Variants in SH2D4A observed in about 807,000 individuals in gnomAD.
SH2D4A encodes the protein SH2 domain-containing protein 4A.
SH2D4A carries 70 observed loss-of-function variants against 64.7 expected under a neutral mutation model. The ratio of observed to expected loss-of-function variants is 1.08; its 90% confidence interval spans 0.89 to 1.32. The LOEUF is 1.32. Ranked by LOEUF, SH2D4A falls within the 40% of genes most tolerant of loss-of-function variation. SH2D4A has a pLI of 0.00. For missense variants in SH2D4A, 706 were observed against 540.1 expected (o/e 1.31, Z -3.04); for synonymous variants, 268 against 200.7 (o/e 1.34, Z -2.83).
intron 7 of SH2D4A, among the ~76,000 whole-genome samples, chr8:19,371,305 T>C (rs1251824539): frequency 1.3e-5 from 2 of 152,172 alleles, no homozygotes; most frequent in East Asian, 1.9e-4. Context: ...AAAATCTTTC[T>C]CTTTCCTTTT....
intron 8 of SH2D4A, among the ~76,000 whole-genome samples, chr8:19,380,128 A>G (rs755088172): frequency 1.4e-4 from 22 of 152,078 alleles, no homozygotes; most frequent in Non-Finnish European, 2.4e-4. Context: ...CCTAATGACT[A>G]GTAATGTTGA....
intron 8 of SH2D4A, among the ~76,000 whole-genome samples, chr8:19,379,893 G>A (rs1182893891): frequency 6.6e-6 from 1 of 151,958 alleles, no homozygotes; most frequent in East Asian, 1.9e-4. Context: ...CCAGTACCAT[G>A]ACTGGCTAAT....
chr8:19,330,870 A>T (rs2052356278), intron 2 of SH2D4A, among the ~76,000 whole-genome samples: 1 of 152,198 alleles, frequency 6.6e-6, no homozygotes, highest in Non-Finnish European at 1.5e-5. Flanking sequence ...AGGGAGTTTT[A>T]TGAGGTATGA....
intron 7 of SH2D4A, among the ~76,000 whole-genome samples, chr8:19,368,338 C>T (rs1020535449): frequency 2.6e-5 from 4 of 151,990 alleles, no homozygotes; most frequent in Non-Finnish European, 2.9e-5. Context: ...TCTGGCAATT[C>T]GTAGTAGTCT....
chr8:19,364,153 G>T lies in SH2D4A; in HGVS notation c.788G>T (p.Gly263Val), dbSNP rs877386. Reference sequence around the variant, plus strand: ...GAAGACTACAAGAGGTTATCCCTCGGGGCCCAGAAAGGAAGAGGCGGTGAG... The same window carrying T: ...GAAGACTACAAGAGGTTATCCCTCGTGGCCCAGAAAGGAAGAGGCGGTGAG... ...AREDYKRLSL[G>V]AQKGRGGERL... The change falls in exon 7 of 10, where the codon GGG becomes GTG. Residue 263 changes from glycine (G) to valine (V), a missense_variant. Gly to Val is a moderately radical substitution (Grantham distance 109). Coordinates refer to ENST00000265807, the MANE Select transcript of SH2D4A (RefSeq NM_022071.4). The T allele has an allele frequency of 2.9e-5, 47 of 1,613,960 alleles. No individual in the cohort carries two copies. The highest frequency in any genetic ancestry group is 3.9e-5 in the Non-Finnish European group (46 of 1,179,984).
At chr8:19,349,783 G>T (rs2052668181) in intron 4 of SH2D4A, among the ~76,000 whole-genome samples, 1 of 152,064 alleles carries the variant, frequency 6.6e-6, no homozygotes, top group African/African-American at 2.4e-5. Context: ...ATACAGTCTC[G>T]CTCTCTACCT....
chr8:19,371,011 T>A (rs2053086139), intron 7 of SH2D4A, among the ~76,000 whole-genome samples: 1 of 152,168 alleles, frequency 6.6e-6, no homozygotes, highest in Non-Finnish European at 1.5e-5. Context: ...TTTACCTCCA[T>A]TCTCTCCTTG....
In SH2D4A at chr8:19,371,227, T is replaced by G. The variant is rs562210620; in HGVS notation, c.918-2303T>G. Among the ~76,000 whole-genome samples the G allele has an allele frequency of 2.0e-5, 3 of 152,304 alleles. No individual in the cohort carries two copies. In the East Asian group the frequency reaches 5.8e-4, roughly 29 times the overall value. ...AGCATCCAGTTTATGTTTGAAGAAC[T>G]ATTTTTTAGCATTTCTTATAGGCCA... On this transcript the variant is annotated intron_variant, in intron 7 of 9. Coordinates refer to ENST00000265807, the MANE Select transcript of SH2D4A (RefSeq NM_022071.4).
intron 4 of SH2D4A, among the ~76,000 whole-genome samples, chr8:19,348,785 A>T (rs948433361): frequency 1.3e-5 from 2 of 152,226 alleles, no homozygotes; most frequent in African/African-American, 4.8e-5. Flanking sequence ...ATAACACTTT[A>T]AGGTGATTTA....
chr8:19,391,637 C>T lies in SH2D4A; in HGVS notation c.1049-1681C>T, dbSNP rs942695583. On this transcript the variant is annotated intron_variant, in intron 8 of 9. Transcript: ENST00000265807. ...ACACTGGGACTCTGCAGTGGGACACCTGGGGTCTGTGTTCTCCTAAATAGG... is the reference window on the plus strand; with the variant it reads ...ACACTGGGACTCTGCAGTGGGACACTTGGGGTCTGTGTTCTCCTAAATAGG... 9.9e-5 allele frequency among the ~76,000 whole-genome samples: 15 copies of T among 152,172 alleles called. 1 individual carries two copies. Among genetic ancestry groups the T allele is most frequent in the Non-Finnish European group, 1.8e-4 (12 of 68,032 alleles).
At chr8:19,379,240 A>G (rs747126982) in intron 8 of SH2D4A, among the ~76,000 whole-genome samples, 1 of 152,152 alleles carries the variant, frequency 6.6e-6, no homozygotes, top group Non-Finnish European at 1.5e-5. Flanking sequence ...GACTATTCTA[A>G]ATACCTCATA....
At chr8:19,338,578 T>A (rs146555885) in intron 4 of SH2D4A, among the ~76,000 whole-genome samples, 2 of 152,308 alleles carry the variant, frequency 1.3e-5, no homozygotes, top group Non-Finnish European at 2.9e-5. Flanking sequence ...AGACATGTGA[T>A]GTTCCTGGCT....
chr8:19,326,601 T>A (rs1420615361), intron 2 of SH2D4A, among the ~76,000 whole-genome samples: 1 of 152,188 alleles, frequency 6.6e-6, no homozygotes, highest in Non-Finnish European at 1.5e-5. Context: ...GGGGATAAAG[T>A]ACATGATTCT....
chr8:19,327,430 T>C (rs78946930), intron 2 of SH2D4A, among the ~76,000 whole-genome samples: 5,909 of 152,228 alleles, frequency 0.039, 204 homozygotes, highest in South Asian at 0.13. Context: ...CTCCCTGAAA[T>C]GTACCTTAAG....
chr8:19,313,898 G>C, intron 1 of SH2D4A, 75 bp downstream of exon 1: 4 of 1,372,292 alleles, frequency 2.9e-6, no homozygotes, highest in Non-Finnish European at 3.8e-6. Flanking sequence ...GAATTTCCTC[G>C]GAGGTTGCAT....
chr8:19,339,830 C>T (rs374468173), intron 4 of SH2D4A, among the ~76,000 whole-genome samples: 3 of 152,010 alleles, frequency 2.0e-5, no homozygotes, highest in Non-Finnish European at 2.9e-5. Flanking sequence ...TTAAATGTAT[C>T]GACAGTGAGG....
At chr8:19,381,073 G>A (rs530844622) in intron 8 of SH2D4A, among the ~76,000 whole-genome samples, 8 of 149,112 alleles carry the variant, frequency 5.4e-5, no homozygotes, top group African/African-American at 2.0e-4. Flanking sequence ...ACGGAGTCTT[G>A]CTCTGTTGCC....
At chr8:19,338,276 C>A (rs536439206) in intron 4 of SH2D4A, among the ~76,000 whole-genome samples, 1 of 152,196 alleles carries the variant, frequency 6.6e-6, no homozygotes, top group African/African-American at 2.4e-5. Context: ...CTCACCTCCT[C>A]GTGCTGTAGA....
intron 2 of SH2D4A, among the ~76,000 whole-genome samples, chr8:19,326,049 T>G (rs2052274100): frequency 6.6e-6 from 1 of 152,240 alleles, no homozygotes; most frequent in South Asian, 2.1e-4. Context: ...TGCTCCATTT[T>G]CACCCTCCAA....
Sources: allele counts gnomAD v4.1 joint callset (sites outside exome capture counted in the v4.1 genomes callset), GRCh38; gene constraint gnomAD v4.1.1; transcripts MANE v1.5; gene names NCBI Gene and HGNC (gene_info 2026-07-23, HGNC 2026-07-21).